The following TNR variants were observed in gnomAD, a reference collection of about 807,000 sequenced individuals.
The protein encoded by TNR is tenascin R, also known as tenascin-R.
Under a neutral mutation model 150.4 loss-of-function variants are expected in TNR, and 45 were observed. The observed-to-expected ratio is 0.30, with a 90% CI of 0.24 to 0.38. The LOEUF is 0.38. Among genes scored for constraint, TNR ranks in the 10% least tolerant of loss-of-function variants. The probability of loss-of-function intolerance (pLI) is 1.00; values close to 1 mark genes in which losing one functional copy is unlikely to be tolerated. For missense variants in TNR, 1,544 were observed against 1,759.1 expected (o/e 0.88, Z 2.19); for synonymous variants, 687 against 678.4 (o/e 1.01, Z -0.20).
chr1:175,671,527 G>T (rs1665696414), intron 1 of TNR, among the ~76,000 whole-genome samples: 1 of 152,224 alleles, frequency 6.6e-6, no homozygotes, highest in Non-Finnish European at 1.5e-5. Flanking sequence ...TCTTCACTCA[G>T]CATCGTGGCA....
At chr1:175,669,915 C>T (rs1013721943) in intron 1 of TNR, among the ~76,000 whole-genome samples, 2 of 152,200 alleles carry the variant, frequency 1.3e-5, no homozygotes, top group Non-Finnish European at 2.9e-5. Context: ...GCTTCCAGCA[C>T]GTGGCACAGG....
chr1:175,405,677 G>A (rs1425326221), intron 3 of TNR, among the ~76,000 whole-genome samples: 2 of 151,636 alleles, frequency 1.3e-5, no homozygotes, highest in Non-Finnish European at 2.9e-5. Flanking sequence ...TTTTTGAGGG[G>A]GCAGGGGCTA....
At chr1:175,563,907 A>G (rs1661531839) in intron 1 of TNR, among the ~76,000 whole-genome samples, 1 of 152,176 alleles carries the variant, frequency 6.6e-6, no homozygotes, top group South Asian at 2.1e-4. Context: ...TCTAAGGCTC[A>G]CGCCACCCTT....
intron 1 of TNR, among the ~76,000 whole-genome samples, chr1:175,726,300 C>T (rs1389113733): frequency 6.6e-6 from 1 of 152,102 alleles, no homozygotes; most frequent in Non-Finnish European, 1.5e-5. Flanking sequence ...TATAGAAGAC[C>T]AGGAAATGAT....
chr1:175,661,053 G>A lies in TNR; in HGVS notation c.-165+82173C>T, dbSNP rs1558060252. Among the ~76,000 whole-genome samples, 4 of 152,228 alleles carry A rather than the reference G, an allele frequency of 2.6e-5. No homozygotes were observed. The South Asian group carries it at 6.2e-4, about 24-fold the overall frequency. ...ATGCTCAGAGTTCTTGGGTTTGGGC[G>A]GTGCCCCCAAGTAATGTTCCATTCC... On this transcript the variant is annotated intron_variant, in intron 1 of 22. Coordinates refer to ENST00000367674, the MANE Select transcript of TNR (RefSeq NM_003285.3).
At chr1:175,438,899 T>G (rs964967558) in intron 2 of TNR, among the ~76,000 whole-genome samples, 4 of 151,982 alleles carry the variant, frequency 2.6e-5, no homozygotes, top group African/African-American at 9.7e-5. Context: ...GGAAGAACAT[T>G]CCATGCTCAT....
rs1468416389 is a variant in TNR at position 175,743,294 on chromosome 1, C to T, written c.-233G>A. On this transcript the variant is annotated 5_prime_UTR_variant, in exon 1 of 23. Transcript: ENST00000367674. The stretch of plus-strand genomic sequence containing the variant: ...GGAAGAAAATTCTTGCTTGCTCAGG[C>T]TGGAGCCAGCTGATGCGCTCACCTA... 1 of 152,228 alleles carries T rather than the reference C, an allele frequency of 6.6e-6. No individual in the cohort carries two copies. Among genetic ancestry groups the T allele is most frequent in the African/African-American group, 2.4e-5 (1 of 41,434 alleles). The allele number at this position is 152,228 out of a possible 1,614,324, so 9.4% of individuals were successfully genotyped here.
intron 1 of TNR, among the ~76,000 whole-genome samples, chr1:175,625,355 C>T (rs750926028): frequency 2.0e-5 from 3 of 152,196 alleles, no homozygotes; most frequent in African/African-American, 2.4e-5. Context: ...CCTGTCAAAG[C>T]GAATATGTAA....
intron 2 of TNR, among the ~76,000 whole-genome samples, chr1:175,424,750 T>G (rs996585836): frequency 6.6e-6 from 1 of 152,084 alleles, no homozygotes; most frequent in Non-Finnish European, 1.5e-5. Context: ...TCCCATTCTC[T>G]ACCCAGCACC....
At chr1:175,689,716 T>A (rs1666303249) in intron 1 of TNR, among the ~76,000 whole-genome samples, 2 of 152,198 alleles carry the variant, frequency 1.3e-5, no homozygotes, top group Non-Finnish European at 2.9e-5. Context: ...CACATTTTAA[T>A]GGCACTGCCA....
chr1:175,432,260 G>A (rs949345872), intron 2 of TNR, among the ~76,000 whole-genome samples: 6 of 152,148 alleles, frequency 3.9e-5, no homozygotes, highest in African/African-American at 1.4e-4. Context: ...GAAAGCTGAT[G>A]GCCAAAGCTA....
At chr1:175,622,506 C>A (rs1354400944) in intron 1 of TNR, among the ~76,000 whole-genome samples, 1 of 152,188 alleles carries the variant, frequency 6.6e-6, no homozygotes, top group East Asian at 1.9e-4. Flanking sequence ...TATACTGTTT[C>A]CTTTCCATGG....
intron 1 of TNR, among the ~76,000 whole-genome samples, chr1:175,581,343 G>T (rs1662340995): frequency 6.6e-6 from 1 of 152,140 alleles, no homozygotes; most frequent in Non-Finnish European, 1.5e-5. Flanking sequence ...CTGAGCAGAG[G>T]ACTAAATCCT....
At chr1:175,333,011 G>A (rs1323093042) in intron 20 of TNR, among the ~76,000 whole-genome samples, 1 of 152,212 alleles carries the variant, frequency 6.6e-6, no homozygotes, top group Non-Finnish European at 1.5e-5. Context: ...TTCACTCACA[G>A]TCTCAGTTTT....
intron 1 of TNR, among the ~76,000 whole-genome samples, chr1:175,629,922 G>T (rs1004768663): frequency 6.6e-6 from 1 of 152,154 alleles, no homozygotes; most frequent in African/African-American, 2.4e-5. Context: ...TTGAGGCACG[G>T]CTCTTCATTG....
chr1:175,505,076 T>C (rs1658898983), intron 2 of TNR, among the ~76,000 whole-genome samples: 1 of 152,174 alleles, frequency 6.6e-6, no homozygotes, highest in East Asian at 1.9e-4. Flanking sequence ...CCCTTGCCTG[T>C]GGGACGCTGT....
intron 2 of TNR, among the ~76,000 whole-genome samples, chr1:175,416,810 T>C (rs1654479316): frequency 2.6e-5 from 4 of 152,100 alleles, no homozygotes; most frequent in Admixed American, 2.6e-4. Context: ...AGATCGAGAC[T>C]GTCCTGGTTA....
At chr1:175,676,279 T>C (rs1328084064) in intron 1 of TNR, among the ~76,000 whole-genome samples, 1 of 152,134 alleles carries the variant, frequency 6.6e-6, no homozygotes, top group Non-Finnish European at 1.5e-5. Flanking sequence ...AGCTACCTTT[T>C]ATCTCAGAAA....
chr1:175,380,520 G>A (rs565303841), intron 8 of TNR, among the ~76,000 whole-genome samples: 4 of 149,890 alleles, frequency 2.7e-5, no homozygotes, highest in Non-Finnish European at 3.0e-5. Flanking sequence ...GCAGCGAGCC[G>A]AGATCACACC....
Sources: gnomAD v4.1 joint callset for allele counts (sites outside exome capture counted in the v4.1 genomes callset) on GRCh38, gnomAD v4.1.1 for gene constraint, MANE v1.5 for transcripts, NCBI Gene and HGNC (gene_info 2026-07-23, HGNC 2026-07-21) for gene names.